Variants in MEST observed in about 807,000 individuals in gnomAD.
MEST encodes the protein mesoderm-specific transcript homolog protein.
MEST carries 18 observed loss-of-function variants against 50.9 expected under a neutral mutation model. That is an observed-to-expected ratio of 0.35 (90% CI 0.24 to 0.52). MEST has a LOEUF of 0.52. MEST is among the 20% of genes least tolerant of loss of function. MEST has a pLI of 0.94. For missense variants in MEST, 282 were observed against 425.3 expected (o/e 0.66, Z 2.96); for synonymous variants, 130 against 154.1 (o/e 0.84, Z 1.16).
At chr7:130,493,391 C>T (rs77933417) in intron 1 of MEST, 1 of 152,268 alleles carries the variant, frequency 6.6e-6, no homozygotes, top group East Asian at 1.9e-4. Flanking sequence ...GCTCATGGCT[C>T]ATCAAATAGT....
chr7:130,501,505 C>T (rs1326082283), intron 9 of MEST, among the ~76,000 whole-genome samples: 1 of 152,022 alleles, frequency 6.6e-6, no homozygotes, highest in Admixed American at 6.6e-5. Context: ...TTTTCCTTTC[C>T]AAAAAGTAAA....
At chr7:130,496,590 GTT>G (rs1554437050) in intron 2 of MEST, 2 of 174,434 alleles carry the variant, frequency 1.1e-5, no homozygotes, top group African/African-American at 4.8e-5. Flanking sequence ...AAAAGTTCAT[GTT>G]TATGTTGATT....
In MEST at chr7:130,492,509, C is replaced by T. The variant is rs1477003650; in HGVS notation, c.26+170C>T. On this transcript the variant is annotated intron_variant, in intron 1 of 11. Transcript: ENST00000223215. This position sits in a 1 kb window ranked among gnomAD's most constrained non-coding sequence, Gnocchi z 7.6. ...CTCTGCCTACTTGAGGAGGGGGTGT[C>T]ACTCCTGCCCGCAATGGAATGTTCA... 1 of 446,822 alleles carries T rather than the reference C, an allele frequency of 2.2e-6. No individual in the cohort carries two copies. The highest frequency in any genetic ancestry group is 2.0e-5 in the African/African-American group (1 of 49,096). The allele number at this position is 446,822 out of a possible 1,614,324, so 27.7% of individuals were successfully genotyped here.
At chr7:130,495,841 A>G (rs1554436805) in intron 2 of MEST, 1 of 272,910 alleles carries the variant, frequency 3.7e-6, no homozygotes, top group African/African-American at 2.3e-5. Flanking sequence ...TATAACCACC[A>G]TTGGTTCTCT....
chr7:130,494,711 C>G (rs1440725319), intron 1 of MEST: 1 of 259,018 alleles, frequency 3.9e-6, no homozygotes, highest in African/African-American at 2.3e-5. Context: ...TTGGAATACA[C>G]AGTGCAGCTA....
At chr7:130,504,305 G>A (rs543566764) in intron 11 of MEST, among the ~76,000 whole-genome samples, 2 of 152,336 alleles carry the variant, frequency 1.3e-5, no homozygotes, top group South Asian at 4.1e-4. Flanking sequence ...CCTACAAAGT[G>A]TTTGTTTGTT....
chr7:130,489,095 C>G (rs1455362066), upstream of MEST: 1 of 152,208 alleles, frequency 6.6e-6, no homozygotes, highest in Non-Finnish European at 1.5e-5. Flanking sequence ...TTATGGGTCT[C>G]AAACTGGGGT....
Position 130,498,729 on chromosome 7 carries a change from A to G in MEST, c.535+252A>G. ...GACTTTACTTACATAGTCAATAAAA[A>G]GCTGCATTATAGTCACATGTGCTTT... On this transcript the variant is annotated intron_variant, in intron 6 of 11. Coordinates refer to ENST00000223215, the MANE Select transcript of MEST (RefSeq NM_002402.4). 5.2e-6 allele frequency: 3 copies of G among 574,932 alleles called. No homozygotes were observed. The South Asian group carries it at 6.3e-5, about 12-fold the overall frequency. The allele number at this position is 574,932 out of a possible 1,614,324, so 35.6% of individuals were successfully genotyped here. A position where few individuals can be genotyped will look rare whatever the true frequency, so the allele number is the denominator to read the frequency against.
chr7:130,504,559 CT>C (rs1799403500), intron 11 of MEST, among the ~76,000 whole-genome samples: 1 of 152,186 alleles, frequency 6.6e-6, no homozygotes, highest in Admixed American at 6.5e-5. Context: ...AAAATACCCC[CT>C]CTCTCATCTC....
At position 130,500,852 on chromosome 7, in the gene MEST, A is replaced by G. The variant is rs2116285969; in HGVS notation, c.711A>G (p.Ala237=). ...AGAGTGAGCTGTGGGACATGTGGGCAGGGATCCGCAACAATGACGGGAACT... is the reference window on the plus strand; with the variant it reads ...AGAGTGAGCTGTGGGACATGTGGGCGGGGATCCGCAACAATGACGGGAACT... ...PSESELWDMW[A]GIRNNDGNLV... is the part of the protein sequence containing the mutation. The change falls in exon 9 of 12, where the codon GCA becomes GCG. Residue 237 remains alanine, a synonymous_variant. Transcript: ENST00000223215. This position sits in a 1 kb window ranked among gnomAD's most constrained non-coding sequence, Gnocchi z 5.0. The G allele has an allele frequency of 3.1e-6, 5 of 1,613,972 alleles. No individual in the cohort carries two copies. The highest frequency in any genetic ancestry group is 2.5e-6 in the Non-Finnish European group (3 of 1,179,956).
At position 130,504,983 on chromosome 7, in the gene MEST, T is replaced by A; in HGVS notation, c.935T>A (p.Ile312Asn). The stretch of plus-strand genomic sequence containing the variant: ...ACAGTGTCGATTCTGGATGACCACA[T>A]TAGCCACTATCCACAGCTAGAGGAT... ...RSTVSILDDH[I>N]SHYPQLEDPM... Residue 312 changes from isoleucine (I) to asparagine (N), a missense_variant, in exon 12 of 12, where the codon ATT becomes AAT. By Grantham distance (149) the Ile-to-Asn change is moderately radical. Transcript: ENST00000223215. 6.2e-7 allele frequency: 1 copy of A among 1,613,878 alleles called. No homozygotes were observed.
Position 130,500,403 on chromosome 7 carries a change from G to A in MEST, c.577-59G>A. On this transcript the variant is annotated intron_variant, in intron 7 of 11. Coordinates refer to ENST00000223215, the MANE Select transcript of MEST (RefSeq NM_002402.4). The surrounding 1 kb of genome is among the most constrained non-coding windows in gnomAD (Gnocchi z 5.0). ...TTTAGTTCCTAGTATAAAACCTTTT[G>A]CCCCGGTGAGGATCTTCCTCTGGGT... The A allele has an allele frequency of 6.9e-7, 1 of 1,449,866 alleles. No homozygotes were observed. The highest frequency in any genetic ancestry group is 9.6e-7 in the Non-Finnish European group (1 of 1,044,556). 89.8% of individuals were successfully genotyped at this position (1,449,866 alleles called of 1,614,324 possible).
rs1554438769 is a variant in MEST, at chr7:130,502,677, C to G, written c.783C>G (p.Phe261Leu). 3 of 1,613,890 alleles carry G rather than the reference C, an allele frequency of 1.9e-6. No individual in the cohort carries two copies. Among genetic ancestry groups the G allele is most frequent in the Non-Finnish European group, 2.5e-6 (3 of 1,179,852 alleles). Residue 261 changes from phenylalanine (F) to leucine (L), a missense_variant, in exon 10 of 12, where the codon TTC (phenylalanine) becomes TTG (leucine). Phe to Leu is a conservative substitution (Grantham distance 22). Transcript: ENST00000223215. The part of the protein sequence containing the change: ...LLQYINQRKK[F>L]RRRWVGALAS... ...AGTACATCAATCAGAGGAAGAAGTT[C>G]AGAAGGCGCTGGGTGGGAGCTCTTG...
At position 130,500,600 on chromosome 7, in the gene MEST, G is replaced by A; in HGVS notation, c.647+68G>A. ...GAAAAGTTGCTGCCATTACAATTCTGGGCCAAATCCTAAGGCTTGATATTT... is the reference window on the plus strand; with the variant it reads ...GAAAAGTTGCTGCCATTACAATTCTAGGCCAAATCCTAAGGCTTGATATTT... On this transcript the variant is annotated intron_variant, in intron 8 of 11. Transcript: ENST00000223215. This position sits in a 1 kb window ranked among gnomAD's most constrained non-coding sequence, Gnocchi z 5.0. 1.4e-6 allele frequency: 2 copies of A among 1,478,294 alleles called. No individual in the cohort carries two copies. Among genetic ancestry groups the A allele is most frequent in the South Asian group, 2.4e-5 (2 of 83,110 alleles). The allele number at this position is 1,478,294 out of a possible 1,614,324, so 91.6% of individuals were successfully genotyped here. A position where few individuals can be genotyped will look rare whatever the true frequency, so the allele number is the denominator to read the frequency against.
At chr7:130,486,648 C>T (rs567174156) in intron 1 of MEST, 1 of 152,342 alleles carries the variant, frequency 6.6e-6, no homozygotes, top group African/African-American at 2.4e-5. Flanking sequence ...GAGCCTCGGT[C>T]GTCGCCTCCC....
chr7:130,496,347 A>G, intron 2 of MEST: 1 of 357,484 alleles, frequency 2.8e-6, no homozygotes, highest in Non-Finnish European at 5.3e-6. Context: ...ACTTGTATAA[A>G]TGGAATGATT....
rs1449677964 is a variant in MEST, at chr7:130,500,642, G to GCCGC, written c.647+111_647+114dup. 2 of 1,292,264 alleles carry GCCGC rather than the reference G, an allele frequency of 1.5e-6. No individual in the cohort carries two copies. Among genetic ancestry groups the GCCGC allele is most frequent in the African/African-American group, 2.9e-5 (2 of 68,050 alleles). 80.0% of individuals were successfully genotyped at this position (1,292,264 alleles called of 1,614,324 possible). On this transcript the variant is annotated intron_variant, in intron 8 of 11. Coordinates refer to ENST00000223215, the MANE Select transcript of MEST (RefSeq NM_002402.4). This position sits in a 1 kb window ranked among gnomAD's most constrained non-coding sequence, Gnocchi z 5.0. ...TTGATATTTTAAAGCAAAGGTGTTG[G>GCCGC]CCGCTTGCCAGGGAAGTAGAAGGAA...
Position 130,492,337 on chromosome 7 carries a change from C to T in MEST, c.24C>T (p.Arg8=). 5 of 1,334,640 alleles carry T rather than the reference C, an allele frequency of 3.7e-6. No homozygotes were observed. The highest frequency in any genetic ancestry group is 4.8e-6 in the Non-Finnish European group (5 of 1,040,268). 82.7% of individuals were successfully genotyped at this position (1,334,640 alleles called of 1,614,324 possible). MVRRDRL[R]RMREWWVQVG... Reference sequence around the variant, plus strand: ...CCATGGTGCGCCGAGATCGCCTCCGCAGGTGAGTGTGCGGTGGGAACGAGG... The same window carrying T: ...CCATGGTGCGCCGAGATCGCCTCCGTAGGTGAGTGTGCGGTGGGAACGAGG... Residue 8 remains arginine (R), a splice_region_variant and synonymous_variant, in exon 1 of 12, where the codon CGC becomes CGT. Coordinates refer to ENST00000223215, the MANE Select transcript of MEST (RefSeq NM_002402.4). This position sits in a 1 kb window ranked among gnomAD's most constrained non-coding sequence, Gnocchi z 7.6.
rs1584951034 is a variant in MEST at position 130,502,575 on chromosome 7, T to C, written c.750-69T>C. On this transcript the variant is annotated intron_variant, in intron 9 of 11. Transcript: ENST00000223215. ...TGTATCTTGTGTTCCTTGTGGCTCG[T>C]TATGCCCTTGAATCCCTGTAACAGT... 3.4e-6 allele frequency: 4 copies of C among 1,181,378 alleles called. No individual in the cohort carries two copies. In the East Asian group the frequency reaches 9.4e-5, roughly 28 times the overall value. The allele number at this position is 1,181,378 out of a possible 1,614,324, so 73.2% of individuals were successfully genotyped here. A position where few individuals can be genotyped will look rare whatever the true frequency, so the allele number is the denominator to read the frequency against.
Sources: gnomAD v4.1 joint callset for allele counts (sites outside exome capture counted in the v4.1 genomes callset) on GRCh38, gnomAD v4.1.1 for gene constraint, Gnocchi (gnomAD v3.1) non-coding constraint, MANE v1.5 for transcripts, NCBI Gene and HGNC (gene_info 2026-07-23, HGNC 2026-07-21) for gene names.